KCNG3: variants seen among roughly 807,000 people sequenced by gnomAD.
KCNG3 encodes voltage-gated potassium channel regulatory subunit KCNG3.
KCNG3 carries 15 observed loss-of-function variants against 29.0 expected under a neutral mutation model. The observed-to-expected ratio is 0.52, with a 90% confidence interval of 0.35 to 0.80. The LOEUF (loss-of-function observed/expected upper bound fraction) is 0.80. KCNG3 is among the 30% of genes least tolerant of loss of function. KCNG3 has a pLI of 0.01. For synonymous variants in KCNG3, 322 were observed against 248.9 expected, an observed-to-expected ratio of 1.29 and a Z score of -2.76; for missense variants, 512 against 605.7, an observed-to-expected ratio of 0.85 and a Z score of 1.62.
At chr2:42,404,941 C>T in the KCNG3 span, among the ~76,000 whole-genome samples, 2 of 152,194 alleles carry the variant, frequency 1.3e-5, no homozygotes, top group Non-Finnish European at 1.5e-5. Flanking sequence ...TCCCCAGACC[C>T]CCAAAGCCGG....
the KCNG3 span, among the ~76,000 whole-genome samples, chr2:42,416,064 G>A: frequency 1.4e-4 from 21 of 152,094 alleles, no homozygotes; most frequent in East Asian, 3.9e-4. Context: ...GTGTGGTGGC[G>A]TGCATCTGTA....
the KCNG3 span, among the ~76,000 whole-genome samples, chr2:42,418,556 T>C: frequency 2.4e-3 from 365 of 152,346 alleles, 1 homozygote; most frequent in African/African-American, 7.3e-3. Flanking sequence ...ACAATTTCTA[T>C]GTAATTTTTA....
chr2:42,488,618 C>G (rs147019368), intron 1 of KCNG3, among the ~76,000 whole-genome samples: 4 of 150,382 alleles, frequency 2.7e-5, no homozygotes, highest in African/African-American at 9.8e-5. Flanking sequence ...AGCGTGATAT[C>G]GGCTTACTGC....
chr2:42,441,975 G>A (rs1178551385), downstream of KCNG3: 2 of 151,930 alleles, frequency 1.3e-5, no homozygotes, highest in African/African-American at 4.8e-5. Flanking sequence ...TACTTGGGAA[G>A]ATAGGACATA....
the KCNG3 span, among the ~76,000 whole-genome samples, chr2:42,422,980 A>G: frequency 6.6e-6 from 1 of 152,102 alleles, no homozygotes; most frequent in African/African-American, 2.4e-5. Flanking sequence ...ACACTCTTAC[A>G]GAGGGACTTT....
At chr2:42,428,522 A>G in the KCNG3 span, among the ~76,000 whole-genome samples, 1 of 151,666 alleles carries the variant, frequency 6.6e-6, no homozygotes, top group Non-Finnish European at 1.5e-5. Context: ...TTCCTCTACC[A>G]AACTCTCAGT....
At chr2:42,423,651 T>G in the KCNG3 span, among the ~76,000 whole-genome samples, 1 of 152,328 alleles carries the variant, frequency 6.6e-6, no homozygotes, top group East Asian at 1.9e-4. Context: ...TCTTCTGCGA[T>G]CTCACAGCAT....
chr2:42,392,056 G>C, the KCNG3 span, among the ~76,000 whole-genome samples: 1 of 152,240 alleles, frequency 6.6e-6, no homozygotes, highest in Middle Eastern at 3.4e-3. Context: ...ATAACAATTA[G>C]AGCATCTGAA....
chr2:42,493,882 G>C lies in KCNG3; in HGVS notation c.-381C>G, dbSNP rs1170838763. The C allele has an allele frequency of 1.1e-5, 2 of 177,158 alleles. No homozygotes were observed. The allele number at this position is 177,158 out of a possible 1,614,324, so 11.0% of individuals were successfully genotyped here. A position where few individuals can be genotyped will look rare whatever the true frequency, so the allele number is the denominator to read the frequency against. ...CGACCCCCTGAGGGCTGCGGGCGCC[G>C]AATGGAGCCGCCGGGGCGGAATAGC... On this transcript the variant is annotated 5_prime_UTR_variant, in exon 1 of 2. Transcript: ENST00000306078.
chr2:42,489,983 T>A (rs1405707747), intron 1 of KCNG3, among the ~76,000 whole-genome samples: 1 of 152,156 alleles, frequency 6.6e-6, no homozygotes, highest in Non-Finnish European at 1.5e-5. Context: ...TCTCTCCAAA[T>A]CACAGAACAC....
At chr2:42,430,150 TGAG>T in the KCNG3 span, among the ~76,000 whole-genome samples, 3 of 152,158 alleles carry the variant, frequency 2.0e-5, no homozygotes, top group East Asian at 1.9e-4. Flanking sequence ...GCAGATCACT[TGAG>T]CTCAGGAGTT....
At chr2:42,409,935 A>G in the KCNG3 span, among the ~76,000 whole-genome samples, 1 of 152,098 alleles carries the variant, frequency 6.6e-6, no homozygotes, top group African/African-American at 2.4e-5. Context: ...TGAAGCTTAC[A>G]GTAATGTGAT....
intron 1 of KCNG3, among the ~76,000 whole-genome samples, chr2:42,482,605 T>G (rs1371046468): frequency 6.6e-6 from 1 of 152,178 alleles, no homozygotes; most frequent in Non-Finnish European, 1.5e-5. Flanking sequence ...GGCACACCCC[T>G]GTAATCCCAG....
chr2:42,484,280 G>A lies in KCNG3; in HGVS notation c.665+8557C>T, dbSNP rs576664712. Among the ~76,000 whole-genome samples, 12 of 152,152 alleles carry A rather than the reference G, an allele frequency of 7.9e-5. No homozygotes were observed. The South Asian group carries it at 1.9e-3, about 24-fold the overall frequency. ...AGTTCGAGACCAGCCTGGCCAACATGGTGAAACTCCATCTCTATTAAAAAT... is the reference window on the plus strand; with the variant it reads ...AGTTCGAGACCAGCCTGGCCAACATAGTGAAACTCCATCTCTATTAAAAAT... On this transcript the variant is annotated intron_variant, in intron 1 of 1. Transcript: ENST00000306078.
chr2:42,450,621 C>G (rs945429482), intron 1 of KCNG3, among the ~76,000 whole-genome samples: 7 of 152,190 alleles, frequency 4.6e-5, no homozygotes, highest in African/African-American at 1.7e-4. Flanking sequence ...TGAATGTATG[C>G]CTAATAAAAA....
the KCNG3 span, among the ~76,000 whole-genome samples, chr2:42,421,581 G>A: frequency 1.3e-5 from 2 of 151,816 alleles, no homozygotes; most frequent in African/African-American, 2.4e-5. Context: ...CTACTCTAAG[G>A]CCTAATATGT....
the KCNG3 span, among the ~76,000 whole-genome samples, chr2:42,401,493 G>T: frequency 6.6e-6 from 1 of 151,910 alleles, no homozygotes; most frequent in African/African-American, 2.4e-5. Context: ...CCAGGCTGGA[G>T]TGCAGCGGTG....
rs1435099327 is a variant in KCNG3, at chr2:42,442,661, T to C, written c.*1273A>G. 6.6e-6 allele frequency: 1 copy of C among 152,248 alleles called. No homozygotes were observed. Among genetic ancestry groups the C allele is most frequent in the Non-Finnish European group, 1.5e-5 (1 of 68,038 alleles). 9.4% of individuals were successfully genotyped at this position (152,248 alleles called of 1,614,324 possible). ...ATCTGTCACTAATTATTTGTGTTTA[T>C]ATATACACTAACTTCTTTATGGTAA... On this transcript the variant is annotated 3_prime_UTR_variant, in exon 2 of 2. Coordinates refer to ENST00000306078, the MANE Select transcript of KCNG3 (RefSeq NM_133329.6).
the KCNG3 span, among the ~76,000 whole-genome samples, chr2:42,428,479 G>GAA: frequency 1.7e-4 from 19 of 109,846 alleles, no homozygotes; most frequent in African/African-American, 6.1e-4. Context: ...AAAAAAAAAA[G>GAA]AAAAGAAAAA....
Sources: allele counts gnomAD v4.1 joint callset (sites outside exome capture counted in the v4.1 genomes callset), GRCh38; gene constraint gnomAD v4.1.1; transcripts MANE v1.5; gene names NCBI Gene and HGNC (gene_info 2026-07-23, HGNC 2026-07-21).